The following TRAM2 variants were observed in gnomAD, a reference collection of about 807,000 sequenced individuals.
TRAM2 encodes the protein translocating chain-associated membrane protein 2.
Under a neutral mutation model 51.0 loss-of-function variants are expected in TRAM2, and 12 were observed. That is an observed-to-expected ratio of 0.24 (90% CI 0.15 to 0.38). TRAM2 has a LOEUF of 0.38. TRAM2 is among the 10% of genes least tolerant of loss of function. The pLI is 1.00. For synonymous variants in TRAM2, 175 were observed against 179.4 expected, an observed-to-expected ratio of 0.98 and a Z score of 0.20; for missense variants, 361 against 462.0, an observed-to-expected ratio of 0.78 and a Z score of 2.00.
intron 1 of TRAM2, among the ~76,000 whole-genome samples, chr6:52,551,267 G>C (rs1438230294): frequency 6.6e-6 from 1 of 152,042 alleles, no homozygotes; most frequent in Non-Finnish European, 1.5e-5. Flanking sequence ...GTTATGAATG[G>C]GGACTGGCTC....
At chr6:52,528,793 C>A (rs3827788) in intron 2 of TRAM2, among the ~76,000 whole-genome samples, 15,391 of 152,090 alleles carry the variant, frequency 0.1, 1,258 homozygotes, top group Admixed American at 0.26. Flanking sequence ...TCAACCTTAG[C>A]CTTGGTGTTC....
Position 52,535,553 on chromosome 6 carries a change from C to T in TRAM2, c.184+230G>A, listed in dbSNP as rs564943475. 7.2e-5 allele frequency among the ~76,000 whole-genome samples: 11 copies of T among 152,238 alleles called. No homozygotes were observed. In the South Asian group the frequency reaches 1.2e-3, roughly 17 times the overall value. ...AAAATTAGTAGGGCGTGGTGGCACA[C>T]GCCTGTAATCCCAGCTACTTGTGAG... On this transcript the variant is annotated intron_variant, in intron 2 of 10. Transcript: ENST00000182527.
At chr6:52,551,110 G>A (rs1361659531) in intron 1 of TRAM2, among the ~76,000 whole-genome samples, 4 of 152,198 alleles carry the variant, frequency 2.6e-5, no homozygotes, top group African/African-American at 4.8e-5. Flanking sequence ...TCCTGCCTGA[G>A]TTTTTCAAGG....
chr6:52,503,609 C>T (rs958688558), intron 10 of TRAM2, among the ~76,000 whole-genome samples: 18 of 152,100 alleles, frequency 1.2e-4, no homozygotes, highest in Non-Finnish European at 2.2e-4. Context: ...AGATACTCGC[C>T]GAAATCACTT....
intron 4 of TRAM2, among the ~76,000 whole-genome samples, chr6:52,514,509 AGCCTATGT>A (rs1202042517): frequency 6.6e-6 from 1 of 152,186 alleles, no homozygotes; most frequent in Non-Finnish European, 1.5e-5. Context: ...CCCCAAGAAA[AGCCTATGT>A]GCTCTCAAAC....
chr6:52,576,664 C>A, intron 1 of TRAM2, 132 bp downstream of exon 1: 1 of 1,253,070 alleles, frequency 8.0e-7, no homozygotes, highest in Non-Finnish European at 1.1e-6. Flanking sequence ...TGCACAAAGC[C>A]GGGGTGCAGA....
In TRAM2 at chr6:52,576,995, G is replaced by A. The variant is rs1018816125; in HGVS notation, c.-80C>T. 3.0e-6 allele frequency: 4 copies of A among 1,331,630 alleles called. No individual in the cohort carries two copies. In the African/African-American group the frequency reaches 4.7e-5, roughly 16 times the overall value. The allele number at this position is 1,331,630 out of a possible 1,614,324, so 82.5% of individuals were successfully genotyped here. ...GCGCAAACTTCTCCAGCACCGGCCC[G>A]GTCCGCCCGCCGGCCCGCCGCCCGC... On this transcript the variant is annotated 5_prime_UTR_variant, in exon 1 of 11. Coordinates refer to ENST00000182527, the MANE Select transcript of TRAM2 (RefSeq NM_012288.4).
At position 52,501,283 on chromosome 6, in the gene TRAM2, G is replaced by A. The variant is rs1443494728; in HGVS notation, c.*1914C>T. On this transcript the variant is annotated 3_prime_UTR_variant, in exon 11 of 11. Coordinates refer to ENST00000182527, the MANE Select transcript of TRAM2 (RefSeq NM_012288.4). The stretch of plus-strand genomic sequence containing the variant: ...TTCCCATTTCTGCAACCTTATCGTA[G>A]AGAGGGATGAAGGCCTCCAATGGCG... 1 of 152,182 alleles carries A rather than the reference G, an allele frequency of 6.6e-6. No individual in the cohort carries two copies. Among genetic ancestry groups the A allele is most frequent in the African/African-American group, 2.4e-5 (1 of 41,436 alleles). The allele number at this position is 152,182 out of a possible 1,614,324, so 9.4% of individuals were successfully genotyped here.
chr6:52,508,603 C>T lies in TRAM2; in HGVS notation c.471-285G>A, dbSNP rs115450861. On this transcript the variant is annotated intron_variant, in intron 5 of 10. Transcript: ENST00000182527. ...GTGCAGAGGAGGAGGAATCCTTCAG[C>T]CTTGAGGAGGGAGCTGATTACAGAG... Among the ~76,000 whole-genome samples, 421 of 152,336 alleles carry T rather than the reference C, an allele frequency of 2.8e-3. 4 individuals are homozygous for T. Among genetic ancestry groups the T allele is most frequent in the African/African-American group, 9.5e-3 (396 of 41,570 alleles).
intron 1 of TRAM2, among the ~76,000 whole-genome samples, chr6:52,541,204 T>C (rs1476695871): frequency 3.9e-5 from 6 of 152,222 alleles, no homozygotes; most frequent in African/African-American, 1.2e-4. Flanking sequence ...TTCACCTCTC[T>C]AGACCCCAGT....
intron 1 of TRAM2, among the ~76,000 whole-genome samples, chr6:52,546,276 A>C (rs542043496): frequency 6.6e-6 from 1 of 152,324 alleles, no homozygotes; most frequent in South Asian, 2.1e-4. Context: ...GAAGGTTGGC[A>C]GAAGGCAGGT....
chr6:52,507,429 G>A, intron 7 of TRAM2, 124 bp downstream of exon 7: 1 of 936,052 alleles, frequency 1.1e-6, no homozygotes, highest in Admixed American at 2.6e-5. Context: ...GTATTGCCAA[G>A]TCTTAGCATA....
At chr6:52,566,503 C>A (rs1032230316) in intron 1 of TRAM2, among the ~76,000 whole-genome samples, 1 of 152,110 alleles carries the variant, frequency 6.6e-6, no homozygotes, top group Non-Finnish European at 1.5e-5. Context: ...TCCCCTAAAC[C>A]ACTCTAGTAG....
intron 1 of TRAM2, among the ~76,000 whole-genome samples, chr6:52,540,141 T>C (rs931249331): frequency 1.3e-5 from 2 of 151,710 alleles, no homozygotes; most frequent in African/African-American, 4.8e-5. Flanking sequence ...CTCAACAAGA[T>C]GGTGTCAGTT....
At chr6:52,530,270 C>A (rs1295922096) in intron 2 of TRAM2, among the ~76,000 whole-genome samples, 1 of 152,288 alleles carries the variant, frequency 6.6e-6, no homozygotes, top group East Asian at 1.9e-4. Context: ...CTCAAGGACG[C>A]CAGGGTGGCA....
intron 4 of TRAM2, among the ~76,000 whole-genome samples, 171 bp from the exon 5 acceptor site, chr6:52,509,757 C>A (rs1285156447): frequency 6.6e-6 from 1 of 152,116 alleles, no homozygotes; most frequent in Non-Finnish European, 1.5e-5. Flanking sequence ...TGGCGCTTGG[C>A]TGGTTTCTTT....
chr6:52,510,748 C>A (rs1048014938), intron 4 of TRAM2, among the ~76,000 whole-genome samples: 2 of 152,138 alleles, frequency 1.3e-5, no homozygotes, highest in African/African-American at 2.4e-5. Context: ...CAAAAGCCGC[C>A]AAGGTAAGAA....
At chr6:52,505,851 G>C in intron 8 of TRAM2, 109 bp from the exon 9 acceptor site, 4 of 1,478,072 alleles carry the variant, frequency 2.7e-6, no homozygotes, top group Non-Finnish European at 3.6e-6. Flanking sequence ...AGGGTGGCTG[G>C]GGAAAGTGCT....
chr6:52,515,638 T>C (rs1218745158), intron 4 of TRAM2, among the ~76,000 whole-genome samples: 2 of 152,208 alleles, frequency 1.3e-5, no homozygotes, highest in African/African-American at 2.4e-5. Context: ...ATCTGTAACA[T>C]GGGTATCAGA....
Sources: gnomAD v4.1 joint callset for allele counts (sites outside exome capture counted in the v4.1 genomes callset) on GRCh38, gnomAD v4.1.1 for gene constraint, MANE v1.5 for transcripts, NCBI Gene and HGNC (gene_info 2026-07-23, HGNC 2026-07-21) for gene names.